Variants in DMD observed in about 807,000 individuals in gnomAD.
The protein encoded by DMD is dystrophin.
In DMD, 63 loss-of-function variants were observed where a neutral mutation model predicts 330.1. The observed-to-expected ratio is 0.19, with a 90% confidence interval of 0.16 to 0.24. The LOEUF (loss-of-function observed/expected upper bound fraction) is 0.24, where lower values mean the gene tolerates loss of function less well. DMD is among the 10% of genes least tolerant of loss of function. The pLI is 1.00. For missense variants in DMD, 3,344 were observed against 2,684.1 expected (o/e 1.25, Z -5.43); for synonymous variants, 1,223 against 959.8 (o/e 1.27, Z -5.07).
rs774578450 is a variant in DMD, at chrX:32,177,628, A to ATC, written c.6438+39286_6438+39287dup. On this transcript the variant is annotated intron_variant, in intron 44 of 78. Transcript: ENST00000357033. ...GGTTCCCCTTTCTCTCTCTCTCTCA[A>ATC]TCTCTCTCTCTCTCTCTCAGAATCT... Among the ~76,000 whole-genome samples, 67 of 104,728 alleles carry ATC rather than the reference A, an allele frequency of 6.4e-4. No homozygotes were observed. The East Asian group carries it at 0.013, about 20-fold the overall frequency. The allele number at this position is 104,728 out of a possible 115,157, so 90.9% of individuals were successfully genotyped here. A position where few individuals can be genotyped will look rare whatever the true frequency, so the allele number is the denominator to read the frequency against.
intron 51 of DMD, among the ~76,000 whole-genome samples, chrX:31,742,708 A>G (rs1051964229): frequency 2.7e-5 from 3 of 112,175 alleles, no homozygotes; most frequent in Non-Finnish European, 5.6e-5. Context: ...AGATGGAATA[A>G]AGGTTTAAAC....
At chrX:33,223,451 G>C (rs2052226894) in intron 1 of DMD, among the ~76,000 whole-genome samples, 1 of 112,355 alleles carries the variant, frequency 8.9e-6, no homozygotes, top group Admixed American at 9.4e-5. Flanking sequence ...GAACAGAATA[G>C]AGAGCCCAGG....
intron 21 of DMD, among the ~76,000 whole-genome samples, chrX:32,483,165 ACAC>A (rs1403964392): frequency 1.5e-4 from 10 of 65,994 alleles, no homozygotes; most frequent in Non-Finnish European, 2.3e-4. Context: ...ATATATATAT[ACAC>A]CATATTTAAT....
chrX:32,414,443 A>C (rs1257019423), intron 29 of DMD, among the ~76,000 whole-genome samples: 2 of 112,159 alleles, frequency 1.8e-5, no homozygotes, highest in African/African-American at 6.5e-5. Flanking sequence ...CTCACATGAC[A>C]TTATGTTCTT....
At chrX:32,610,122 C>G (rs2057047585) in intron 12 of DMD, among the ~76,000 whole-genome samples, 1 of 111,218 alleles carries the variant, frequency 9.0e-6, no homozygotes, top group South Asian at 3.7e-4. Context: ...AATTCTACCC[C>G]TTAAGACAAA....
intron 63 of DMD, among the ~76,000 whole-genome samples, chrX:31,227,023 T>G (rs748688729): frequency 1.8e-5 from 2 of 111,820 alleles, no homozygotes; most frequent in South Asian, 3.8e-4. Flanking sequence ...GATATTGGCA[T>G]AAAGTTTCTC....
intron 60 of DMD, among the ~76,000 whole-genome samples, chrX:31,431,907 C>T (rs181187933): frequency 6.8e-4 from 74 of 109,316 alleles, no homozygotes; most frequent in East Asian, 2.6e-3. Context: ...CTCCACCTCC[C>T]GGGTTCAAGT....
chrX:32,220,987 C>T (rs892863938), intron 43 of DMD, among the ~76,000 whole-genome samples: 18 of 111,062 alleles, frequency 1.6e-4, no homozygotes, highest in East Asian at 2.8e-4. Context: ...TCTCATTCAC[C>T]GTGCAACCGG....
At chrX:32,491,113 T>C (rs1254035687) in intron 20 of DMD, among the ~76,000 whole-genome samples, 164 bp downstream of exon 20, 1 of 112,833 alleles carries the variant, frequency 8.9e-6, no homozygotes, top group East Asian at 2.8e-4. Flanking sequence ...ACGTCTTACA[T>C]ATTTAAACAG....
At chrX:32,592,356 C>A (rs1437841153) in intron 13 of DMD, among the ~76,000 whole-genome samples, 1 of 110,983 alleles carries the variant, frequency 9.0e-6, no homozygotes, top group Non-Finnish European at 1.9e-5. Context: ...CAGACTCAGA[C>A]AAACTTAGAC....
chrX:32,154,633 G>A (rs2096821746), intron 44 of DMD, among the ~76,000 whole-genome samples: 1 of 111,661 alleles, frequency 9.0e-6, no homozygotes, highest in African/African-American at 3.3e-5. Context: ...GCTGCTTTCA[G>A]AAAACAATCA....
intron 25 of DMD, among the ~76,000 whole-genome samples, chrX:32,458,064 C>G (rs763770959): frequency 2.7e-5 from 3 of 110,614 alleles, no homozygotes; most frequent in Non-Finnish European, 5.7e-5. Context: ...TTATTATATA[C>G]TTATGAATTA....
intron 16 of DMD, among the ~76,000 whole-genome samples, chrX:32,564,201 G>C (rs1407348815): frequency 8.9e-6 from 1 of 112,072 alleles, no homozygotes; most frequent in Non-Finnish European, 1.9e-5. Context: ...GCAGACTCAA[G>C]TTTGAGAACC....
intron 44 of DMD, among the ~76,000 whole-genome samples, chrX:32,195,271 C>T (rs1001229030): frequency 9.0e-6 from 1 of 110,642 alleles, no homozygotes. Flanking sequence ...GCTGCATGTG[C>T]GGCAGCCAAT....
At chrX:32,653,192 G>C (rs1478878912) in intron 9 of DMD, among the ~76,000 whole-genome samples, 5 of 111,950 alleles carry the variant, frequency 4.5e-5, no homozygotes, top group South Asian at 3.7e-4. Context: ...TTTGACTCTT[G>C]TTGCCATTGC....
intron 7 of DMD, among the ~76,000 whole-genome samples, chrX:32,758,213 G>A (rs774212000): frequency 3.6e-5 from 4 of 111,617 alleles, no homozygotes; most frequent in South Asian, 3.8e-4. Context: ...TGCTTTGGGG[G>A]AAAACTCAAA....
At chrX:33,252,348 C>A (rs962666186) in intron 1 of DMD, among the ~76,000 whole-genome samples, 5 of 111,166 alleles carry the variant, frequency 4.5e-5, no homozygotes, top group Admixed American at 9.6e-5. Context: ...GGTCTATCCA[C>A]CTCACTCACT....
chrX:32,276,194 A>C (rs1445626112), intron 43 of DMD, among the ~76,000 whole-genome samples: 1 of 112,523 alleles, frequency 8.9e-6, no homozygotes, highest in Admixed American at 9.4e-5. Context: ...CCCCAGCCAG[A>C]AGGGAATCGC....
At chrX:32,303,887 T>C (rs1009452904) in intron 42 of DMD, among the ~76,000 whole-genome samples, 1 of 110,588 alleles carries the variant, frequency 9.0e-6, no homozygotes, top group South Asian at 3.8e-4. Context: ...ACATATCGAA[T>C]TGGGAACTGT....
Sources: allele counts gnomAD v4.1 joint callset (sites outside exome capture counted in the v4.1 genomes callset), GRCh38; gene constraint gnomAD v4.1.1; transcripts MANE v1.5; gene names NCBI Gene and HGNC (gene_info 2026-07-23, HGNC 2026-07-21).